The following RGPD2 variants were observed in gnomAD, a reference collection of about 807,000 sequenced individuals.
RGPD2 encodes the protein RANBP2 like and GRIP domain containing 2, also known as RANBP2-like and GRIP domain-containing protein 2.
A neutral mutation model predicts 36.0 loss-of-function variants in RGPD2; 2 were observed. The observed-to-expected ratio is 0.06, with a 90% CI of 0.02 to 0.17. RGPD2 has a LOEUF of 0.17. RGPD2 is among the 10% of genes least tolerant of loss of function. The pLI is 1.00. For missense variants in RGPD2, 40 were observed against 464.3 expected, an observed-to-expected ratio of 0.09 and a Z score of 8.40; for synonymous variants, 19 against 163.8, an observed-to-expected ratio of 0.12 and a Z score of 6.75.
chr2:87,781,901 T>G (rs1261470763), intron 20 of RGPD2, among the ~76,000 whole-genome samples: 1 of 113,068 alleles, frequency 8.8e-6, no homozygotes, highest in African/African-American at 3.3e-5. Context: ...CCTAGCATGA[T>G]AGAAGTATCT....
At position 87,824,780 on chromosome 2, in the gene RGPD2, G is replaced by A. The variant is rs1686584620; in HGVS notation, c.72+878C>T. Among the ~76,000 whole-genome samples, 3 of 35,096 alleles carry A rather than the reference G, an allele frequency of 8.5e-5. No homozygotes were observed. In the South Asian group the frequency reaches 2.7e-3, roughly 32 times the overall value. 23.0% of individuals were successfully genotyped at this position (35,096 alleles called of 152,430 possible). On this transcript the variant is annotated intron_variant, in intron 1 of 22. Transcript: ENST00000398146. ...GCCGCCGCCGCCGCCCGGCCAGGCCGAGGCCGAGGCCGAGGCCGCCGCCGC... is the reference window on the plus strand; with the variant it reads ...GCCGCCGCCGCCGCCCGGCCAGGCCAAGGCCGAGGCCGAGGCCGCCGCCGC...
At chr2:87,913,350 A>G in the RGPD2 span, among the ~76,000 whole-genome samples, 1 of 151,646 alleles carries the variant, frequency 6.6e-6, no homozygotes, top group Non-Finnish European at 1.5e-5. Context: ...CAATGAGAAC[A>G]CGTGGACACA....
rs1393190573 is a variant in RGPD2, at chr2:87,756,025, CATTT to C, written c.*1363_*1366del. 1 of 5,434 alleles carries C rather than the reference CATTT, an allele frequency of 1.8e-4. No individual in the cohort carries two copies. Among genetic ancestry groups the C allele is most frequent in the African/African-American group, 7.7e-4 (1 of 1,306 alleles). 0.3% of individuals were successfully genotyped at this position (5,434 alleles called of 1,614,324 possible). A position where few individuals can be genotyped will look rare whatever the true frequency, so the allele number is the denominator to read the frequency against. Reference sequence around the variant, plus strand: ...AAAGAGCTTTGTTTCTTTTCACATTCATTTCTCAGTTTAGATCATCTTTAATTAA... The same window carrying C: ...AAAGAGCTTTGTTTCTTTTCACATTCCTCAGTTTAGATCATCTTTAATTAA... On this transcript the variant is annotated 3_prime_UTR_variant, in exon 23 of 23. Transcript: ENST00000398146.
chr2:87,934,953 T>C, the RGPD2 span, among the ~76,000 whole-genome samples: 1 of 151,414 alleles, frequency 6.6e-6, no homozygotes, highest in East Asian at 1.9e-4. Context: ...AGATGTAGCA[T>C]GTTTTGATGT....
the RGPD2 span, among the ~76,000 whole-genome samples, chr2:87,927,836 A>G: frequency 2.0e-5 from 3 of 149,858 alleles, no homozygotes; most frequent in South Asian, 6.4e-4. Flanking sequence ...TGTCCATTCC[A>G]ATAGGTGACA....
At chr2:87,883,671 A>G in the RGPD2 span, among the ~76,000 whole-genome samples, 3 of 152,048 alleles carry the variant, frequency 2.0e-5, no homozygotes, top group African/African-American at 7.2e-5. Context: ...GCTATATTTC[A>G]TTTATAAAAA....
chr2:87,967,956 A>AT, the RGPD2 span, among the ~76,000 whole-genome samples: 1 of 134,170 alleles, frequency 7.5e-6, no homozygotes, highest in Non-Finnish European at 1.6e-5. Context: ...TTCTCTAGAA[A>AT]TGCTTACTGG....
chr2:87,936,285 C>T, the RGPD2 span, among the ~76,000 whole-genome samples: 4 of 151,652 alleles, frequency 2.6e-5, no homozygotes, highest in South Asian at 2.1e-4. Context: ...GACTACAGAG[C>T]GCAGAGTTGC....
chr2:87,875,791 C>T, the RGPD2 span, among the ~76,000 whole-genome samples: 1 of 152,274 alleles, frequency 6.6e-6, no homozygotes, highest in Non-Finnish European at 1.5e-5. Flanking sequence ...AGAAACGGTA[C>T]CAGCTCTTCT....
chr2:87,928,963 G>A, the RGPD2 span, among the ~76,000 whole-genome samples: 2 of 151,670 alleles, frequency 1.3e-5, no homozygotes, highest in African/African-American at 2.4e-5. Flanking sequence ...TTTGCTAGAC[G>A]AATAGTTTGC....
chr2:87,790,635 TAA>T (rs1187111160), intron 17 of RGPD2, among the ~76,000 whole-genome samples: 1 of 136,090 alleles, frequency 7.3e-6, no homozygotes, highest in African/African-American at 2.5e-5. Context: ...ACCTGTATGT[TAA>T]GTCAAAATTG....
chr2:87,921,517 G>T, the RGPD2 span, among the ~76,000 whole-genome samples: 1 of 152,180 alleles, frequency 6.6e-6, no homozygotes, highest in Admixed American at 6.5e-5. Flanking sequence ...TTGAAAAAAA[G>T]TTCTCCTGAT....
chr2:87,930,369 T>C, the RGPD2 span, among the ~76,000 whole-genome samples: 1 of 151,698 alleles, frequency 6.6e-6, no homozygotes, highest in Non-Finnish European at 1.5e-5. Flanking sequence ...ATGAATCACA[T>C]GTATTGATTT....
chr2:87,943,466 ATGT>A, the RGPD2 span, among the ~76,000 whole-genome samples: 2 of 151,928 alleles, frequency 1.3e-5, no homozygotes, highest in East Asian at 3.9e-4. Context: ...TTGTTCCATA[ATGT>A]TGTGTTTTGT....
chr2:87,927,570 A>G, the RGPD2 span, among the ~76,000 whole-genome samples: 2 of 151,494 alleles, frequency 1.3e-5, no homozygotes, highest in Admixed American at 6.6e-5. Flanking sequence ...CATTTTTTTT[A>G]TTCAGAATCA....
At chr2:87,769,380 G>A (rs2104244544) in intron 22 of RGPD2, among the ~76,000 whole-genome samples, 1 of 152,184 alleles carries the variant, frequency 6.6e-6, no homozygotes, top group South Asian at 2.1e-4. Flanking sequence ...TAAGAGACAA[G>A]TAGGAAATAA....
the RGPD2 span, among the ~76,000 whole-genome samples, chr2:87,914,881 G>A: frequency 6.6e-6 from 1 of 152,134 alleles, no homozygotes; most frequent in Non-Finnish European, 1.5e-5. Flanking sequence ...TTCAGTAAAT[G>A]TGGAATTTGC....
the RGPD2 span, among the ~76,000 whole-genome samples, chr2:87,964,901 T>C: frequency 6.7e-6 from 1 of 149,434 alleles, no homozygotes; most frequent in Non-Finnish European, 1.5e-5. Context: ...GTGTTGCCCA[T>C]GCCTACTCTG....
chr2:87,880,270 A>G, the RGPD2 span, among the ~76,000 whole-genome samples: 1 of 151,982 alleles, frequency 6.6e-6, no homozygotes, highest in Non-Finnish European at 1.5e-5. Context: ...TAATCTCTTC[A>G]CTCTATTAAT....
Sources: gnomAD v4.1 joint callset for allele counts (sites outside exome capture counted in the v4.1 genomes callset) on GRCh38, gnomAD v4.1.1 for gene constraint, MANE v1.5 for transcripts, NCBI Gene and HGNC (gene_info 2026-07-23, HGNC 2026-07-21) for gene names.